CNTNAP5: variants seen among roughly 807,000 people sequenced by gnomAD.
CNTNAP5 encodes contactin associated protein family member 5.
Under a neutral mutation model 150.2 loss-of-function variants are expected in CNTNAP5, and 72 were observed. The ratio of observed to expected loss-of-function variants is 0.48; its 90% CI spans 0.40 to 0.58. CNTNAP5 has a LOEUF of 0.58. Ranked by LOEUF, CNTNAP5 falls within the 20% of genes least tolerant of loss-of-function variation. The pLI, the probability that CNTNAP5 is intolerant of heterozygous loss-of-function variation, is 0.00. For missense variants in CNTNAP5, 1,636 were observed against 1,626.2 expected, an observed-to-expected ratio of 1.01 and a Z score of -0.10; for synonymous variants, 672 against 619.8, an observed-to-expected ratio of 1.08 and a Z score of -1.25.
intron 4 of CNTNAP5, among the ~76,000 whole-genome samples, chr2:124,432,992 C>A (rs1030723466): frequency 6.6e-6 from 1 of 152,248 alleles, no homozygotes; most frequent in Non-Finnish European, 1.5e-5. Flanking sequence ...AGCACATGTA[C>A]TTCTCAAAGC....
intron 10 of CNTNAP5, among the ~76,000 whole-genome samples, chr2:124,537,190 G>A (rs1296785600): frequency 1.3e-5 from 2 of 152,190 alleles, no homozygotes; most frequent in Admixed American, 1.3e-4. Flanking sequence ...CCTATATGTG[G>A]TAGAGCCTGG....
intron 21 of CNTNAP5, among the ~76,000 whole-genome samples, chr2:124,885,894 T>G (rs1266185508): frequency 6.6e-6 from 1 of 152,070 alleles, no homozygotes; most frequent in Non-Finnish European, 1.5e-5. Context: ...TGTTTCCATA[T>G]TTTGGCTGTT....
intron 7 of CNTNAP5, among the ~76,000 whole-genome samples, chr2:124,478,862 A>G (rs1328121379): frequency 6.6e-6 from 1 of 152,184 alleles, no homozygotes; most frequent in East Asian, 1.9e-4. Context: ...ATAAATTATA[A>G]AATGTGTTTC....
At chr2:124,030,965 T>C (rs2104620224) in intron 1 of CNTNAP5, among the ~76,000 whole-genome samples, 1 of 152,260 alleles carries the variant, frequency 6.6e-6, no homozygotes, top group South Asian at 2.1e-4. Context: ...GGCCCTGATC[T>C]GGCTCTGCTA....
intron 2 of CNTNAP5, among the ~76,000 whole-genome samples, chr2:124,236,022 G>A (rs879607643): frequency 2.6e-5 from 4 of 151,924 alleles, no homozygotes; most frequent in Non-Finnish European, 5.9e-5. Context: ...CTGGATTGCA[G>A]TGTCATGATC....
chr2:124,160,114 G>A (rs1684641015), intron 1 of CNTNAP5, among the ~76,000 whole-genome samples: 1 of 152,140 alleles, frequency 6.6e-6, no homozygotes. Context: ...AGTATCTGCA[G>A]TCACTAAGCT....
At chr2:124,278,744 T>G (rs776160448) in intron 3 of CNTNAP5, among the ~76,000 whole-genome samples, 1 of 152,182 alleles carries the variant, frequency 6.6e-6, no homozygotes, top group South Asian at 2.1e-4. Context: ...TGAGTTACAT[T>G]GGTTTCTAGC....
chr2:124,630,988 C>G (rs931403600), intron 12 of CNTNAP5, among the ~76,000 whole-genome samples: 1 of 151,842 alleles, frequency 6.6e-6, no homozygotes, highest in African/African-American at 2.4e-5. Context: ...CCACAAAGAA[C>G]ATAAAATACT....
chr2:124,365,676 G>A (rs1690354216), intron 3 of CNTNAP5, among the ~76,000 whole-genome samples: 1 of 152,072 alleles, frequency 6.6e-6, no homozygotes, highest in Non-Finnish European at 1.5e-5. Context: ...AAGTTTCCTG[G>A]GAAAGTTCTT....
At chr2:124,226,751 G>C (rs1001892553) in intron 2 of CNTNAP5, among the ~76,000 whole-genome samples, 6 of 152,052 alleles carry the variant, frequency 3.9e-5, no homozygotes, top group African/African-American at 1.4e-4. Context: ...AAGTTGAGAA[G>C]TCCAAGGTCA....
rs1286825979 is a variant in CNTNAP5 at position 124,917,316 on chromosome 2, G to A, written c.*3028G>A. On this transcript the variant is annotated 3_prime_UTR_variant, in exon 24 of 24. Transcript: ENST00000682447. ...CACATTTTAATGGAGCTGTTTCATT[G>A]ATATTTTTTTCCACCAAACAAATCT... Among the ~76,000 whole-genome samples, 1 of 151,964 alleles carries A rather than the reference G, an allele frequency of 6.6e-6. No individual in the cohort carries two copies. Among genetic ancestry groups the A allele is most frequent in the Non-Finnish European group, 1.5e-5 (1 of 67,954 alleles).
chr2:124,567,240 G>A (rs10203627), intron 11 of CNTNAP5, among the ~76,000 whole-genome samples: 2,470 of 152,194 alleles, frequency 0.016, 63 homozygotes, highest in African/African-American at 0.056. Context: ...AAAAATAACA[G>A]AATGGAAATT....
intron 18 of CNTNAP5, among the ~76,000 whole-genome samples, chr2:124,794,782 C>T (rs894543242): frequency 2.0e-5 from 3 of 152,110 alleles, no homozygotes; most frequent in Non-Finnish European, 4.4e-5. Context: ...CACCTCCTAT[C>T]CTCCTCCTTT....
intron 11 of CNTNAP5, among the ~76,000 whole-genome samples, chr2:124,595,306 C>T (rs1442854418): frequency 4.0e-5 from 5 of 124,472 alleles, no homozygotes; most frequent in African/African-American, 9.3e-5. Flanking sequence ...TTTTGAAATA[C>T]GTCCCATCAA....
In CNTNAP5 at chr2:124,913,966, C is replaced by T. The variant is rs370706073; in HGVS notation, c.3728-126C>T. 447 of 619,974 alleles carry T rather than the reference C, an allele frequency of 7.2e-4. 3 individuals are homozygous for T. The African/African-American group carries it at 7.4e-3, about 10-fold the overall frequency. 38.4% of individuals were successfully genotyped at this position (619,974 alleles called of 1,614,324 possible). On this transcript the variant is annotated intron_variant, in intron 23 of 23. Coordinates refer to ENST00000682447, the MANE Select transcript of CNTNAP5 (RefSeq NM_001367498.1). The stretch of plus-strand genomic sequence containing the variant: ...TATTTCTGGGCAGGTGGCAGAGTTG[C>T]GTTTGTGTGATTTGTTTTGTTTTGC...
intron 12 of CNTNAP5, among the ~76,000 whole-genome samples, chr2:124,636,444 G>A (rs1381411995): frequency 6.6e-6 from 1 of 152,122 alleles, no homozygotes; most frequent in East Asian, 1.9e-4. Context: ...ATAATGACTA[G>A]TAACTTTTTT....
intron 1 of CNTNAP5, among the ~76,000 whole-genome samples, chr2:124,100,390 C>A (rs1683036247): frequency 6.6e-6 from 1 of 152,112 alleles, no homozygotes; most frequent in Non-Finnish European, 1.5e-5. Flanking sequence ...TATCACAAAC[C>A]TACTTTGCTT....
intron 3 of CNTNAP5, among the ~76,000 whole-genome samples, chr2:124,367,338 G>A (rs1690401723): frequency 6.6e-6 from 1 of 152,126 alleles, no homozygotes; most frequent in Non-Finnish European, 1.5e-5. Context: ...GGAGGCCTCA[G>A]GAAACTTACA....
chr2:124,521,636 T>G lies in CNTNAP5; in HGVS notation c.1328-2667T>G, dbSNP rs112830324. The stretch of plus-strand genomic sequence containing the variant: ...ACATTCTTCTCTACTGTATCACTGA[T>G]GCCTAGCAGGGTGCTTGGCCTTTAG... On this transcript the variant is annotated intron_variant, in intron 8 of 23. Coordinates refer to ENST00000682447, the MANE Select transcript of CNTNAP5 (RefSeq NM_001367498.1). Among the ~76,000 whole-genome samples the G allele has an allele frequency of 2.0e-3, 309 of 152,340 alleles. 1 individual carries two copies. The highest frequency in any genetic ancestry group is 7.0e-3 in the African/African-American group (290 of 41,586).
Sources: allele counts gnomAD v4.1 joint callset (sites outside exome capture counted in the v4.1 genomes callset), GRCh38; gene constraint gnomAD v4.1.1; transcripts MANE v1.5; gene names NCBI Gene and HGNC (gene_info 2026-07-23, HGNC 2026-07-21).